The following PDE4D variants were observed in gnomAD, a reference collection of about 807,000 sequenced individuals.
The protein encoded by PDE4D is 3',5'-cyclic-AMP phosphodiesterase 4D.
A neutral mutation model predicts 87.4 loss-of-function variants in PDE4D; 24 were observed. That is an observed-to-expected ratio of 0.27 (90% CI 0.20 to 0.39). The LOEUF (loss-of-function observed/expected upper bound fraction) is 0.39. PDE4D is among the 10% of genes least tolerant of loss of function. PDE4D has a pLI of 1.00. For synonymous variants in PDE4D, 384 were observed against 383.2 expected (o/e 1.00, Z -0.02); for missense variants, 714 against 1,041.0 (o/e 0.69, Z 4.32).
At chr5:59,386,537 G>C (rs59574560) in intron 1 of PDE4D, among the ~76,000 whole-genome samples, 13 of 93,244 alleles carry the variant, frequency 1.4e-4, no homozygotes, top group Non-Finnish European at 3.7e-4. Flanking sequence ...ACTTGGGCCT[G>C]GGCATGGTGG....
chr5:60,489,269 G>A (rs73759069), upstream of PDE4D, among the ~76,000 whole-genome samples: 6,046 of 152,158 alleles, frequency 0.04, 306 homozygotes, highest in African/African-American at 0.12. Context: ...GAAAAACTTT[G>A]GCAATAAACT....
chr5:60,107,494 C>T (rs1311304441), intron 2 of PDE4D, among the ~76,000 whole-genome samples: 6 of 152,156 alleles, frequency 3.9e-5, no homozygotes, highest in African/African-American at 2.4e-5. Flanking sequence ...GGGAATCCTC[C>T]CTAACTCATT....
chr5:60,429,974 G>A, intron 1 of PDE4D: 3 of 519,300 alleles, frequency 5.8e-6, no homozygotes, highest in Non-Finnish European at 1.2e-5. Flanking sequence ...AAAGTATAGA[G>A]CTTGTTTGGT....
At chr5:59,676,135 ATGCACTTT>A (rs1748045686) in intron 1 of PDE4D, among the ~76,000 whole-genome samples, 1 of 152,102 alleles carries the variant, frequency 6.6e-6, no homozygotes, top group African/African-American at 2.4e-5. Flanking sequence ...TAACACAAGC[ATGCACTTT>A]TGTGAAATAG....
intron 1 of PDE4D, among the ~76,000 whole-genome samples, chr5:60,506,474 A>T (rs1750328653): frequency 6.6e-6 from 1 of 152,236 alleles, no homozygotes; most frequent in South Asian, 2.1e-4. Context: ...AAAATTAAAA[A>T]CCAGGATAAA....
intron 1 of PDE4D, among the ~76,000 whole-genome samples, chr5:59,378,090 C>T (rs537236346): frequency 6.6e-6 from 1 of 152,316 alleles, no homozygotes; most frequent in East Asian, 1.9e-4. Flanking sequence ...CCATGGAATA[C>T]TCTGCAGCCA....
In PDE4D at chr5:60,411,037, T is replaced by C. The variant is rs527676735; in HGVS notation, c.-90+76905A>G. On this transcript the variant is annotated intron_variant, in intron 1 of 16. Transcript: ENST00000502484. Reference sequence around the variant, plus strand: ...CCAGGTCAGTTTTGCAGCTAATACATGGAAGAACTGACATTTGAACATAGG... The same window carrying C: ...CCAGGTCAGTTTTGCAGCTAATACACGGAAGAACTGACATTTGAACATAGG... 6.4e-4 allele frequency among the ~76,000 whole-genome samples: 97 copies of C among 152,290 alleles called. 1 individual carries two copies. Among genetic ancestry groups the C allele is most frequent in the African/African-American group, 2.2e-3 (92 of 41,558 alleles).
At chr5:60,501,469 A>T (rs999878141) in intron 1 of PDE4D, among the ~76,000 whole-genome samples, 1 of 151,638 alleles carries the variant, frequency 6.6e-6, no homozygotes, top group Non-Finnish European at 1.5e-5. Flanking sequence ...ATACGTGTGC[A>T]TGTGTCTTTA....
At chr5:59,945,990 T>A (rs971506307) in intron 3 of PDE4D, among the ~76,000 whole-genome samples, 4 of 152,080 alleles carry the variant, frequency 2.6e-5, no homozygotes, top group Non-Finnish European at 5.9e-5. Context: ...ACTATAGAAT[T>A]CAAATCTGAG....
Position 60,301,950 on chromosome 5 carries a change from GT to G in PDE4D, c.-89-116264del, listed in dbSNP as rs916384555. Among the ~76,000 whole-genome samples the G allele has an allele frequency of 1.3e-3, 201 of 152,018 alleles. 2 individuals are homozygous for G. The highest frequency in any genetic ancestry group is 2.5e-3 in the Non-Finnish European group (167 of 67,936). On this transcript the variant is annotated intron_variant, in intron 1 of 16. Transcript: ENST00000502484. ...GATAATGATGTGGTTTTTGTCTTTA[GT>G]TTTTTTTATAGGATGAATAATATTT...
intron 1 of PDE4D, among the ~76,000 whole-genome samples, chr5:60,398,250 C>T (rs1363200006): frequency 6.6e-6 from 1 of 152,212 alleles, no homozygotes; most frequent in African/African-American, 2.4e-5. Context: ...GTATTAGCTT[C>T]TTCCATCCAC....
At chr5:58,986,791 G>C (rs1192304272) in intron 11 of PDE4D, among the ~76,000 whole-genome samples, 2 of 152,076 alleles carry the variant, frequency 1.3e-5, no homozygotes, top group Non-Finnish European at 2.9e-5. Context: ...AATAGAGCAG[G>C]TCCTCATTAC....
chr5:60,460,465 G>T, intron 1 of PDE4D: 1 of 1,524,666 alleles, frequency 6.6e-7, no homozygotes, highest in Non-Finnish European at 9.1e-7. Context: ...CCCAAAATTT[G>T]GGATTTTGGC....
chr5:59,009,985 A>C (rs545188926), intron 6 of PDE4D, among the ~76,000 whole-genome samples: 19 of 152,168 alleles, frequency 1.2e-4, no homozygotes, highest in Non-Finnish European at 2.5e-4. Flanking sequence ...TCCAAGGTCC[A>C]CATTAGCTTT....
chr5:60,445,140 C>T (rs900077456), intron 1 of PDE4D, among the ~76,000 whole-genome samples: 6 of 151,880 alleles, frequency 4.0e-5, no homozygotes, highest in Non-Finnish European at 1.5e-5. Flanking sequence ...CAAGTGAGAC[C>T]AATGGTAGAA....
rs1433856543 is a variant in PDE4D at position 59,038,817 on chromosome 5, C to T, written c.921+42G>A. 2.1e-6 allele frequency: 3 copies of T among 1,429,940 alleles called. No homozygotes were observed. The South Asian group carries it at 4.5e-5, about 22-fold the overall frequency. The allele number at this position is 1,429,940 out of a possible 1,614,324, so 88.6% of individuals were successfully genotyped here. ...ACCAGTGGCTCGCCGGCATGGGAAT[C>T]AGCAGCCTGGGGGCACCAGTGACAG... On this transcript the variant is annotated intron_variant, in intron 6 of 14. Coordinates refer to ENST00000340635, the MANE Select transcript of PDE4D (RefSeq NM_001104631.2).
chr5:59,529,383 T>C (rs796692278), intron 1 of PDE4D: 24 of 254,376 alleles, frequency 9.4e-5, no homozygotes, highest in African/African-American at 5.5e-4. Context: ...GTAGGAGCAA[T>C]GCTACTTAGA....
chr5:59,497,972 G>C (rs1029233958), intron 1 of PDE4D, among the ~76,000 whole-genome samples: 17 of 152,066 alleles, frequency 1.1e-4, no homozygotes, highest in Non-Finnish European at 2.1e-4. Flanking sequence ...CTAACAGCAG[G>C]CTTCTCAGCA....
At position 60,227,649 on chromosome 5, in the gene PDE4D, A is replaced by G. The variant is rs370232734; in HGVS notation, c.-89-41962T>C. On this transcript the variant is annotated intron_variant, in intron 1 of 16. Transcript: ENST00000502484. Reference sequence around the variant, plus strand: ...GAGGGAGGGAGGGAGGGAGGAAGGAACGAAGGAAAGAAGGAAGGAAGGGTT... The same window carrying G: ...GAGGGAGGGAGGGAGGGAGGAAGGAGCGAAGGAAAGAAGGAAGGAAGGGTT... Among the ~76,000 whole-genome samples the G allele has an allele frequency of 3.3e-5, 5 of 150,746 alleles. No individual in the cohort carries two copies. The East Asian group carries it at 6.0e-4, about 18-fold the overall frequency.
Sources: allele counts gnomAD v4.1 joint callset (sites outside exome capture counted in the v4.1 genomes callset), GRCh38; gene constraint gnomAD v4.1.1; transcripts MANE v1.5; gene names NCBI Gene and HGNC (gene_info 2026-07-23, HGNC 2026-07-21).